POTEE: variants seen among roughly 807,000 people sequenced by gnomAD.
The protein encoded by POTEE is ANKRD26-like family C member 1A.
Under a neutral mutation model 74.2 loss-of-function variants are expected in POTEE, and 21 were observed. That is an observed-to-expected ratio of 0.28 (90% CI 0.20 to 0.41). The LOEUF (loss-of-function observed/expected upper bound fraction) is 0.41. Among genes scored for constraint, POTEE ranks in the 10% least tolerant of loss-of-function variants. The pLI is 1.00. For synonymous variants in POTEE, 211 were observed against 432.8 expected (o/e 0.49, Z 6.36); for missense variants, 525 against 1,158.6 (o/e 0.45, Z 7.94).
Position 131,264,098 on chromosome 2 carries a change from TG to T in POTEE, c.2646del (p.Arg883GlyfsTer8). 6.2e-7 allele frequency: 1 copy of T among 1,614,260 alleles called. No homozygotes were observed. The stretch of plus-strand genomic sequence containing the variant: ...ATGCCACCCTGCGCCTAGACCTGGC[TG>T]GGCGGGAACTGCCTGACTACCTCAT... Reference protein sequence around the residue: ...PHATLRLDLAGRELPDYLMKI... With the variant: ...PHATLRLDLAXRELPDYLMKI... On this transcript the variant is annotated frameshift_variant, in exon 18 of 18. Transcript: ENST00000683005. LOFTEE classifies it high-confidence loss of function.
chr2:131,256,883 A>C (rs551449796), intron 16 of POTEE, among the ~76,000 whole-genome samples: 9 of 152,418 alleles, frequency 5.9e-5, no homozygotes, highest in Admixed American at 5.2e-4. Context: ...CTTGAGATTC[A>C]ATTGGGAACA....
chr2:131,228,880 C>T lies in POTEE; in HGVS notation c.1055+499C>T, dbSNP rs1289488185. On this transcript the variant is annotated intron_variant, in intron 8 of 17. Transcript: ENST00000683005. ...GACATTGCAATCATTCTGTTGTTTC[C>T]GTTGATTTTGTTGCTGCTTTGTGGC... Among the ~76,000 whole-genome samples the T allele has an allele frequency of 4.8e-5, 7 of 144,724 alleles. No homozygotes were observed. In the East Asian group the frequency reaches 5.8e-4, roughly 12 times the overall value. The allele number at this position is 144,724 out of a possible 152,430, so 94.9% of individuals were successfully genotyped here.
intron 17 of POTEE, among the ~76,000 whole-genome samples, chr2:131,262,691 C>T (rs1228316589): frequency 3.9e-5 from 6 of 151,968 alleles, no homozygotes; most frequent in African/African-American, 1.4e-4. Context: ...TTTTAAGAAT[C>T]GCGATCTTAA....
At chr2:131,243,867 C>CAAA (rs1241493314) in intron 12 of POTEE, among the ~76,000 whole-genome samples, 2 of 8,584 alleles carry the variant, frequency 2.3e-4, no homozygotes, top group African/African-American at 8.7e-4. Flanking sequence ...GACTCCGTCT[C>CAAA]AAAAAAAAAA....
rs1220487998 is a variant in POTEE, at chr2:131,226,499, A to G, written c.811-324A>G. 3.6e-5 allele frequency among the ~76,000 whole-genome samples: 5 copies of G among 139,220 alleles called. 1 individual carries two copies. Among genetic ancestry groups the G allele is most frequent in the Non-Finnish European group, 6.1e-5 (4 of 65,720 alleles). 91.3% of individuals were successfully genotyped at this position (139,220 alleles called of 152,430 possible). ...AAAAGATACAGCCCCTGCCCTCAAG[A>G]AGCTTTTTGTTTAGATGGGAAAAAT... On this transcript the variant is annotated intron_variant, in intron 6 of 17. Coordinates refer to ENST00000683005, the MANE Select transcript of POTEE (RefSeq NM_001083538.3).
chr2:131,215,968 C>T (rs903436309), intron 2 of POTEE, among the ~76,000 whole-genome samples: 1 of 150,792 alleles, frequency 6.6e-6, no homozygotes, highest in Non-Finnish European at 1.5e-5. Context: ...CACAAAAAAC[C>T]CATTACAGCT....
intron 2 of POTEE, among the ~76,000 whole-genome samples, chr2:131,215,965 A>C (rs1700435104): frequency 6.6e-6 from 1 of 151,356 alleles, no homozygotes; most frequent in African/African-American, 2.4e-5. Context: ...CTCCACAAAA[A>C]ACCCATTACA....
At chr2:131,233,509 C>T (rs1701029335) in intron 9 of POTEE, among the ~76,000 whole-genome samples, 1 of 151,320 alleles carries the variant, frequency 6.6e-6, no homozygotes, top group African/African-American at 2.4e-5. Flanking sequence ...GTCATACATC[C>T]TTGGAGTAGC....
At chr2:131,226,429 T>G (rs1700781823) in intron 6 of POTEE, among the ~76,000 whole-genome samples, 1 of 131,094 alleles carries the variant, frequency 7.6e-6, no homozygotes, top group Non-Finnish European at 1.6e-5. Flanking sequence ...ACATGCAGAT[T>G]CTTGCTTTAT....
At position 131,218,708 on chromosome 2, in the gene POTEE, C is replaced by T. The variant is rs567719334; in HGVS notation, c.306C>T (p.Cys102=). The change falls in exon 4 of 18, where the codon TGC becomes TGT. Residue 102 remains cysteine (C), a synonymous_variant. Transcript: ENST00000683005. ...TCAGGAACAAGATGGGGAAGTGGTG[C>T]TGCCACTGCTTCCCCTGCTGCAGGG... is the stretch of plus-strand genomic sequence containing the variant. ...KTLRNKMGKW[C]CHCFPCCRGS... is the part of the protein sequence containing the mutation. 78 of 1,369,886 alleles carry T rather than the reference C, an allele frequency of 5.7e-5. No homozygotes were observed. The highest frequency in any genetic ancestry group is 2.2e-4 in the Middle Eastern group (1 of 4,644). The allele number at this position is 1,369,886 out of a possible 1,614,324, so 84.9% of individuals were successfully genotyped here.
chr2:131,255,563 T>C, intron 16 of POTEE, among the ~76,000 whole-genome samples: 1 of 27,350 alleles, frequency 3.7e-5, no homozygotes, highest in East Asian at 7.6e-4. Context: ...TTCTTTCTCA[T>C]AGTTTTTTTT....
At chr2:131,215,937 G>C (rs1173585113) in intron 2 of POTEE, among the ~76,000 whole-genome samples, 1 of 148,744 alleles carries the variant, frequency 6.7e-6, no homozygotes. Context: ...GAAGGGGTGA[G>C]ATTGTCTGTG....
intron 8 of POTEE, among the ~76,000 whole-genome samples, chr2:131,228,679 C>T (rs576818914): frequency 0.035 from 5,131 of 146,306 alleles, 577 homozygotes; most frequent in African/African-American, 0.13. Flanking sequence ...AGTGTCACAT[C>T]TTTAATTTTT....
chr2:131,226,438 A>G (rs1297367524), intron 6 of POTEE, among the ~76,000 whole-genome samples: 14 of 132,370 alleles, frequency 1.1e-4, no homozygotes, highest in Admixed American at 7.3e-4. Context: ...TTCTTGCTTT[A>G]TACACAATTT....
chr2:131,220,968 A>G (rs916601443), intron 4 of POTEE, among the ~76,000 whole-genome samples: 41 of 151,450 alleles, frequency 2.7e-4, no homozygotes, highest in African/African-American at 9.7e-4. Context: ...CTCAAAAAAA[A>G]AAAAAGAAAA....
intron 9 of POTEE, among the ~76,000 whole-genome samples, chr2:131,233,301 G>C (rs1026207315): frequency 6.6e-6 from 1 of 151,890 alleles, no homozygotes; most frequent in Non-Finnish European, 1.5e-5. Context: ...GTCTGCTGTT[G>C]TAGTGTGAAA....
Position 131,218,436 on chromosome 2 carries a change from T to G in POTEE, c.34T>G (p.Ser12Ala), listed in dbSNP as rs1182930104. ...VVEVDSMPAASSVKKPFGLRS... is the reference protein window; with the variant it reads ...VVEVDSMPAAASVKKPFGLRS... ...TGAGGTTGATTCCATGCCGGCTGCC[T>G]CTTCTGTGAAGAAGCCATTTGGTCT... is the stretch of plus-strand genomic sequence containing the variant. The change falls in exon 4 of 18, where the codon TCT becomes GCT. Residue 12 changes from serine (S) to alanine (A), a missense_variant. Coordinates refer to ENST00000683005, the MANE Select transcript of POTEE (RefSeq NM_001083538.3). 6.2e-6 allele frequency: 10 copies of G among 1,613,180 alleles called. No individual in the cohort carries two copies. Among genetic ancestry groups the G allele is most frequent in the Non-Finnish European group, 1.7e-6 (2 of 1,179,834 alleles).
Position 131,223,857 on chromosome 2 carries a change from C to G in POTEE, c.637-13C>G, listed in dbSNP as rs749944578. Reference sequence around the variant, plus strand: ...CTAAGATTTGTAATTTGTTTTTGGTCTAATACTGACAGGCCGTACAATGCC... The same window carrying G: ...CTAAGATTTGTAATTTGTTTTTGGTGTAATACTGACAGGCCGTACAATGCC... On this transcript the variant is annotated splice_polypyrimidine_tract_variant and intron_variant, in intron 5 of 17. Coordinates refer to ENST00000683005, the MANE Select transcript of POTEE (RefSeq NM_001083538.3). 1.4e-6 allele frequency: 2 copies of G among 1,446,336 alleles called. No homozygotes were observed. Among genetic ancestry groups the G allele is most frequent in the East Asian group, 4.9e-5 (2 of 40,770 alleles). 89.6% of individuals were successfully genotyped at this position (1,446,336 alleles called of 1,614,324 possible). A position where few individuals can be genotyped will look rare whatever the true frequency, so the allele number is the denominator to read the frequency against.
chr2:131,237,251 A>G (rs1166803094), intron 10 of POTEE, among the ~76,000 whole-genome samples: 1 of 151,086 alleles, frequency 6.6e-6, no homozygotes, highest in Non-Finnish European at 1.5e-5. Flanking sequence ...TGTAACTCTG[A>G]TGGTCCCTGA....
Sources: allele counts gnomAD v4.1 joint callset (sites outside exome capture counted in the v4.1 genomes callset), GRCh38; gene constraint gnomAD v4.1.1; transcripts MANE v1.5; gene names NCBI Gene and HGNC (gene_info 2026-07-23, HGNC 2026-07-21).